Variants in DNAH11 observed in about 807,000 individuals in gnomAD.
DNAH11 encodes dynein axonemal heavy chain 11, also known as axonemal beta dynein heavy chain 11.
DNAH11 carries 442 observed loss-of-function variants against 526.0 expected under a neutral mutation model. The observed-to-expected ratio is 0.84, with a 90% CI of 0.78 to 0.91. DNAH11 has a LOEUF of 0.91. DNAH11 is among the 40% of genes least tolerant of loss of function. DNAH11 has a pLI of 0.00. For synonymous variants in DNAH11, 2,461 were observed against 1,935.9 expected (o/e 1.27, Z -7.12); for missense variants, 6,989 against 5,448.7 (o/e 1.28, Z -8.90).
intron 80 of DNAH11, among the ~76,000 whole-genome samples, 175 bp from the exon 81 acceptor site, chr7:21,899,805 G>A (rs928786913): frequency 2.6e-5 from 4 of 152,114 alleles, no homozygotes; most frequent in Admixed American, 6.5e-5. Flanking sequence ...CAGAAACAGC[G>A]AGCTTGTCCT....
intron 2 of DNAH11, among the ~76,000 whole-genome samples, chr7:21,554,650 G>C (rs1783150824): frequency 6.6e-6 from 1 of 152,104 alleles, no homozygotes; most frequent in South Asian, 2.1e-4. Context: ...TTCAGCCCAG[G>C]TATAAAAACT....
At chr7:21,557,385 T>G (rs190932080) in intron 2 of DNAH11, among the ~76,000 whole-genome samples, 154 of 152,286 alleles carry the variant, frequency 1.0e-3, no homozygotes, top group African/African-American at 3.6e-3. Context: ...TACTGGACAT[T>G]TATTTCTCAC....
At chr7:21,625,971 G>T (rs988126127) in intron 25 of DNAH11, among the ~76,000 whole-genome samples, 9 of 152,040 alleles carry the variant, frequency 5.9e-5, no homozygotes, top group African/African-American at 1.9e-4. Flanking sequence ...TAATTTGGGG[G>T]TACATGTGAT....
chr7:21,813,510 A>C (rs1789624389), intron 63 of DNAH11, among the ~76,000 whole-genome samples: 3 of 152,226 alleles, frequency 2.0e-5, no homozygotes, highest in Non-Finnish European at 2.9e-5. Context: ...CGTTACTGTA[A>C]CATTAGGAGA....
Position 21,637,593 on chromosome 7 carries a change from T to A in DNAH11, c.4726-18T>A, listed in dbSNP as rs1049767621. On this transcript the variant is annotated intron_variant, in intron 26 of 81. Transcript: ENST00000409508. ...GATTGTTCTAATATCCACGGCCCCG[T>A]ATTGTACTTTCATGCAGGAGTTAAT... 2.0e-6 allele frequency: 3 copies of A among 1,488,332 alleles called. No individual in the cohort carries two copies. The African/African-American group carries it at 4.2e-5, about 21-fold the overall frequency. The allele number at this position is 1,488,332 out of a possible 1,614,324, so 92.2% of individuals were successfully genotyped here.
chr7:21,625,284 C>T (rs1421233717), intron 25 of DNAH11, among the ~76,000 whole-genome samples: 1 of 151,968 alleles, frequency 6.6e-6, no homozygotes, highest in African/African-American at 2.4e-5. Context: ...GGAACTTAAC[C>T]ATTTCAATTT....
chr7:21,685,795 T>A lies in DNAH11; in HGVS notation c.5622-1304T>A, dbSNP rs188026527. Among the ~76,000 whole-genome samples the A allele has an allele frequency of 6.7e-3, 1,024 of 152,330 alleles. 5 individuals carry two copies. The highest frequency in any genetic ancestry group is 0.012 in the Non-Finnish European group (791 of 68,028). Reference sequence around the variant, plus strand: ...TGACATGCTAAACATGGTTTCCACATGTGTTTTAGCCAGTGAAAGGGGAAA... The same window carrying A: ...TGACATGCTAAACATGGTTTCCACAAGTGTTTTAGCCAGTGAAAGGGGAAA... On this transcript the variant is annotated intron_variant, in intron 32 of 81. Coordinates refer to ENST00000409508, the MANE Select transcript of DNAH11 (RefSeq NM_001277115.2).
At chr7:21,684,193 TATC>T (rs1190573352) in intron 32 of DNAH11, among the ~76,000 whole-genome samples, 1 of 152,196 alleles carries the variant, frequency 6.6e-6, no homozygotes, top group Non-Finnish European at 1.5e-5. Flanking sequence ...AACTTTCTGG[TATC>T]AGGATCTATC....
At chr7:21,631,647 T>C (rs1412852258) in intron 25 of DNAH11, among the ~76,000 whole-genome samples, 4 of 151,006 alleles carry the variant, frequency 2.6e-5, no homozygotes, top group Non-Finnish European at 5.9e-5. Context: ...CTTCTTTGAC[T>C]CCATGTTTCA....
intron 18 of DNAH11, among the ~76,000 whole-genome samples, chr7:21,604,042 G>A (rs904490661): frequency 4.6e-5 from 7 of 152,080 alleles, no homozygotes; most frequent in Non-Finnish European, 8.8e-5. Context: ...AGGGTAACGA[G>A]GCCCAATTTT....
At chr7:21,879,763 C>G (rs1783845840) in intron 74 of DNAH11, among the ~76,000 whole-genome samples, 1 of 152,052 alleles carries the variant, frequency 6.6e-6, no homozygotes, top group African/African-American at 2.4e-5. Flanking sequence ...CCAGACTTGA[C>G]CAATCATCAT....
At chr7:21,665,895 G>A (rs149041924) in intron 30 of DNAH11, among the ~76,000 whole-genome samples, 3 of 152,104 alleles carry the variant, frequency 2.0e-5, no homozygotes, top group Non-Finnish European at 4.4e-5. Context: ...TTTGGGTCAT[G>A]AGAAATGTTT....
intron 30 of DNAH11, among the ~76,000 whole-genome samples, chr7:21,662,161 A>T (rs933940809): frequency 2.0e-5 from 3 of 152,234 alleles, no homozygotes; most frequent in Non-Finnish European, 4.4e-5. Flanking sequence ...TGTGCTATAT[A>T]AGGGCTGGCT....
At chr7:21,579,288 A>G (rs887349501) in intron 8 of DNAH11, among the ~76,000 whole-genome samples, 2 of 152,234 alleles carry the variant, frequency 1.3e-5, no homozygotes, top group African/African-American at 2.4e-5. Context: ...TGTAATATAT[A>G]TTTATTGAGA....
At position 21,633,422 on chromosome 7, in the gene DNAH11, A is replaced by G. The variant is rs145100585; in HGVS notation, c.4501-2449A>G. Reference sequence around the variant, plus strand: ...AAGTGGAATATTGTTATCCCCTTCTATTACTGTATTGCAGTCTATCTCATA... The same window carrying G: ...AAGTGGAATATTGTTATCCCCTTCTGTTACTGTATTGCAGTCTATCTCATA... On this transcript the variant is annotated intron_variant, in intron 25 of 81. Transcript: ENST00000409508. Among the ~76,000 whole-genome samples the G allele has an allele frequency of 1.6e-3, 245 of 152,292 alleles. 1 individual carries two copies. The Middle Eastern group carries it at 0.024, about 15-fold the overall frequency.
chr7:21,744,337 A>C, intron 49 of DNAH11, 101 bp from the exon 50 acceptor site: 4 of 1,266,224 alleles, frequency 3.2e-6, no homozygotes, highest in Non-Finnish European at 4.5e-6. Context: ...ATTTCTTTTA[A>C]CCATTTGCTA....
intron 2 of DNAH11, among the ~76,000 whole-genome samples, chr7:21,550,987 A>G (rs2128427549): frequency 6.6e-6 from 1 of 152,290 alleles, no homozygotes; most frequent in Non-Finnish European, 1.5e-5. Flanking sequence ...GACAAGTTAC[A>G]CAACTTCCAC....
chr7:21,608,641 A>G (rs1449124700), intron 20 of DNAH11, among the ~76,000 whole-genome samples: 1 of 152,212 alleles, frequency 6.6e-6, no homozygotes, highest in Non-Finnish European at 1.5e-5. Flanking sequence ...AGAGTATGCT[A>G]ATATACTTGG....
At chr7:21,763,889 C>T (rs1192288698) in intron 54 of DNAH11, among the ~76,000 whole-genome samples, 1 of 151,272 alleles carries the variant, frequency 6.6e-6, no homozygotes, top group East Asian at 1.9e-4. Context: ...CATATGTCAA[C>T]ATGGATGAAC....
Sources: allele counts gnomAD v4.1 joint callset (sites outside exome capture counted in the v4.1 genomes callset), GRCh38; gene constraint gnomAD v4.1.1; transcripts MANE v1.5; gene names NCBI Gene and HGNC (gene_info 2026-07-23, HGNC 2026-07-21).